MAP3K1: variants seen among roughly 807,000 people sequenced by gnomAD.
The protein encoded by MAP3K1 is MAP/ERK kinase kinase 1.
Under a neutral mutation model 144.2 loss-of-function variants are expected in MAP3K1, and 36 were observed. The ratio of observed to expected loss-of-function variants is 0.25; its 90% CI spans 0.19 to 0.33. The LOEUF (loss-of-function observed/expected upper bound fraction) is 0.33. Ranked by LOEUF, MAP3K1 falls within the 10% of genes least tolerant of loss-of-function variation. The pLI is 1.00. For synonymous variants in MAP3K1, 718 were observed against 688.7 expected (o/e 1.04, Z -0.67); for missense variants, 1,650 against 1,881.9 (o/e 0.88, Z 2.28).
At chr5:56,880,344 GTT>G (rs1748167633) in intron 11 of MAP3K1, among the ~76,000 whole-genome samples, 1 of 152,136 alleles carries the variant, frequency 6.6e-6, no homozygotes, top group Non-Finnish European at 1.5e-5. Context: ...GGATAGGAAG[GTT>G]TTGTTTTTAA....
intron 14 of MAP3K1, among the ~76,000 whole-genome samples, 181 bp downstream of exon 14, chr5:56,883,047 A>G (rs1029828502): frequency 6.6e-6 from 1 of 152,126 alleles, no homozygotes; most frequent in Non-Finnish European, 1.5e-5. Context: ...AAAATTAGCC[A>G]GGCATGATAG....
intron 1 of MAP3K1, among the ~76,000 whole-genome samples, chr5:56,850,144 A>G (rs995853261): frequency 5.3e-5 from 8 of 152,272 alleles, no homozygotes; most frequent in East Asian, 3.9e-4. Context: ...GTGTCCCACA[A>G]TGGACTAGGA....
chr5:56,869,194 C>A (rs1012433792), intron 6 of MAP3K1, among the ~76,000 whole-genome samples: 1 of 152,040 alleles, frequency 6.6e-6, no homozygotes, highest in African/African-American at 2.4e-5. Context: ...TCTCTTGAGC[C>A]CAGAAGTTCA....
chr5:56,852,290 A>G (rs1489093046), intron 1 of MAP3K1, among the ~76,000 whole-genome samples: 1 of 152,188 alleles, frequency 6.6e-6, no homozygotes, highest in Non-Finnish European at 1.5e-5. Context: ...CCTACAAGAG[A>G]GTTAGCACAA....
intron 6 of MAP3K1, among the ~76,000 whole-genome samples, chr5:56,868,610 T>G (rs897289801): frequency 6.6e-6 from 1 of 152,158 alleles, no homozygotes; most frequent in South Asian, 2.1e-4. Context: ...AGTCTCGATC[T>G]CCTGACCTCA....
intron 17 of MAP3K1, among the ~76,000 whole-genome samples, chr5:56,886,503 A>C (rs907262015): frequency 2.6e-5 from 4 of 152,090 alleles, no homozygotes; most frequent in Admixed American, 2.0e-4. Flanking sequence ...AGCCTTAGGG[A>C]TCATTTAATC....
intron 1 of MAP3K1, among the ~76,000 whole-genome samples, chr5:56,839,099 G>A (rs147447909): frequency 6.6e-6 from 1 of 152,204 alleles, no homozygotes. Flanking sequence ...CTGAGGTCAA[G>A]TTGCGAATCC....
chr5:56,818,031 G>A (rs536744504), intron 1 of MAP3K1, among the ~76,000 whole-genome samples: 7 of 152,224 alleles, frequency 4.6e-5, no homozygotes, highest in African/African-American at 1.7e-4. Flanking sequence ...GGGCTTGTAA[G>A]GATAATCTTT....
At chr5:56,819,438 CA>C (rs11289212) in intron 1 of MAP3K1, among the ~76,000 whole-genome samples, 112,678 of 150,812 alleles carry the variant, frequency 0.75, 42,543 homozygotes, top group Non-Finnish European at 0.82. Flanking sequence ...TCAACAAGAG[CA>C]AAAAAAAAAC....
chr5:56,883,248 A>C (rs1748282147), intron 14 of MAP3K1, among the ~76,000 whole-genome samples: 1 of 152,236 alleles, frequency 6.6e-6, no homozygotes, highest in South Asian at 2.1e-4. Context: ...GCTGCTTCTA[A>C]CATTCAGAAG....
In MAP3K1 at chr5:56,875,014, CGTGT is replaced by C. The variant is rs750714911; in HGVS notation, c.1687-13_1687-10del. On this transcript the variant is annotated splice_polypyrimidine_tract_variant and intron_variant, in intron 9 of 19. Transcript: ENST00000399503. ...AAGCTTTTCTTTACATTGAATTCATCGTGTGTGTTTGATACAGGTGTTTGGAATG... is the reference window on the plus strand; with the variant it reads ...AAGCTTTTCTTTACATTGAATTCATCGTGTTTGATACAGGTGTTTGGAATG... The C allele has an allele frequency of 2.5e-6, 4 of 1,613,554 alleles. No homozygotes were observed. In the East Asian group the frequency reaches 8.9e-5, roughly 36 times the overall value.
Position 56,880,771 on chromosome 5 carries a change from G to A in MAP3K1, c.2148G>A (p.Glu716=), listed in dbSNP as rs747930603. ...AACTGTGCAAAGGCCAAGCAGGAGA[G>A]TTGGCAGTTGGCAGAGAAATACTAA... The part of the protein sequence containing the change: ...LLELCKGQAG[E]LAVGREILKA... The change falls in exon 12 of 20, where the codon GAG becomes GAA. Residue 716 remains glutamate, a synonymous_variant. Coordinates refer to ENST00000399503, the MANE Select transcript of MAP3K1 (RefSeq NM_005921.2). 1 of 1,613,558 alleles carries A rather than the reference G, an allele frequency of 6.2e-7. No individual in the cohort carries two copies. The highest frequency in any genetic ancestry group is 8.5e-7 in the Non-Finnish European group (1 of 1,179,706).
At position 56,887,581 on chromosome 5, in the gene MAP3K1, A is replaced by G. The variant is rs531451562; in HGVS notation, c.4257+61A>G. On this transcript the variant is annotated intron_variant, in intron 18 of 19. Coordinates refer to ENST00000399503, the MANE Select transcript of MAP3K1 (RefSeq NM_005921.2). ...TTTTGGAATTCTGTGTAACAGCATT[A>G]TACTAAATTATCTTGCAGTGGTATC... 6.4e-6 allele frequency: 10 copies of G among 1,556,500 alleles called. No homozygotes were observed. In the African/African-American group the frequency reaches 8.1e-5, roughly 13 times the overall value.
intron 12 of MAP3K1, 65 bp from the exon 13 acceptor site, chr5:56,881,018 A>G (rs1263306262): frequency 7.4e-7 from 1 of 1,360,306 alleles, no homozygotes; most frequent in African/African-American, 1.4e-5. Context: ...CCATTTAATC[A>G]TGTCTTGTTT....
intron 1 of MAP3K1, 105 bp from the exon 2 acceptor site, chr5:56,856,495 C>A: frequency 1.0e-6 from 1 of 967,380 alleles, no homozygotes; most frequent in Non-Finnish European, 1.6e-6. Context: ...TTTTTTATTA[C>A]ATGTCCGTTG....
At chr5:56,842,929 C>G (rs1401263225) in intron 1 of MAP3K1, among the ~76,000 whole-genome samples, 2 of 152,182 alleles carry the variant, frequency 1.3e-5, no homozygotes, top group Non-Finnish European at 2.9e-5. Context: ...CGCTCCAGAA[C>G]TCATGCCCCT....
At chr5:56,824,022 T>C (rs1403769515) in intron 1 of MAP3K1, among the ~76,000 whole-genome samples, 1 of 152,240 alleles carries the variant, frequency 6.6e-6, no homozygotes, top group Non-Finnish European at 1.5e-5. Flanking sequence ...ATATCATTTT[T>C]AGAATTCTTA....
intron 1 of MAP3K1, among the ~76,000 whole-genome samples, chr5:56,844,110 A>G (rs1377181168): frequency 2.0e-5 from 3 of 151,064 alleles, no homozygotes; most frequent in African/African-American, 7.3e-5. Context: ...AAAGCCAACT[A>G]ACTTGTTTTT....
chr5:56,862,060 A>T (rs1387295032), intron 3 of MAP3K1: 1 of 152,196 alleles, frequency 6.6e-6, no homozygotes, highest in Non-Finnish European at 1.5e-5. Flanking sequence ...AACAATAATC[A>T]GTTACTAGCT....
Sources: gnomAD v4.1 joint callset for allele counts (sites outside exome capture counted in the v4.1 genomes callset) on GRCh38, gnomAD v4.1.1 for gene constraint, MANE v1.5 for transcripts, NCBI Gene and HGNC (gene_info 2026-07-23, HGNC 2026-07-21) for gene names.